The following FMNL2 variants were observed in gnomAD, a reference collection of about 807,000 sequenced individuals.
FMNL2 encodes the protein formin like 2, also known as formin-like protein 2.
Under a neutral mutation model 130.2 loss-of-function variants are expected in FMNL2, and 51 were observed. The observed-to-expected ratio is 0.39, with a 90% CI of 0.31 to 0.49. The LOEUF (loss-of-function observed/expected upper bound fraction) is 0.49. Ranked by LOEUF, FMNL2 falls within the 20% of genes least tolerant of loss-of-function variation. The probability of loss-of-function intolerance (pLI) is 0.85; values close to 1 mark genes in which losing one functional copy is unlikely to be tolerated. For synonymous variants in FMNL2, 465 were observed against 467.1 expected (o/e 1.00, Z 0.06); for missense variants, 977 against 1,316.2 (o/e 0.74, Z 3.99).
intron 1 of FMNL2, among the ~76,000 whole-genome samples, chr2:152,478,253 T>G: frequency 9.0e-6 from 1 of 110,872 alleles, no homozygotes; most frequent in East Asian, 4.7e-4. Flanking sequence ...TATATATATT[T>G]TTTTTTTTTT....
intron 23 of FMNL2, among the ~76,000 whole-genome samples, chr2:152,639,711 A>C (rs1682918050): frequency 2.6e-5 from 4 of 152,160 alleles, no homozygotes; most frequent in Non-Finnish European, 5.9e-5. Context: ...AGAAAGTTCA[A>C]ACAGGGAGCG....
chr2:152,644,228 C>CAAAAACA (rs1170014401), intron 25 of FMNL2, among the ~76,000 whole-genome samples: 2 of 152,072 alleles, frequency 1.3e-5, no homozygotes, highest in East Asian at 3.8e-4. Context: ...CTCAAAAAAA[C>CAAAAACA]AAAAACAAAA....
At chr2:152,612,142 A>G (rs1698716974) in intron 11 of FMNL2, among the ~76,000 whole-genome samples, 1 of 152,198 alleles carries the variant, frequency 6.6e-6, no homozygotes. Context: ...GGAGGTTTAA[A>G]GTTTCCCTTT....
At position 152,600,267 on chromosome 2, in the gene FMNL2, G is replaced by A. The variant is rs531060907; in HGVS notation, c.877-7072G>A. 1.1e-4 allele frequency among the ~76,000 whole-genome samples: 17 copies of A among 152,336 alleles called. No homozygotes were observed. The East Asian group carries it at 3.1e-3, about 28-fold the overall frequency. On this transcript the variant is annotated intron_variant, in intron 9 of 25. Transcript: ENST00000288670. Reference sequence around the variant, plus strand: ...TGCAGATCACAGGGGCCTATTGTAAGAGGAGAAAAAGAAAGTATTGAGGCA... The same window carrying A: ...TGCAGATCACAGGGGCCTATTGTAAAAGGAGAAAAAGAAAGTATTGAGGCA...
At chr2:152,589,712 T>C (rs2105765712) in intron 9 of FMNL2, among the ~76,000 whole-genome samples, 1 of 152,052 alleles carries the variant, frequency 6.6e-6, no homozygotes, top group Admixed American at 6.5e-5. Flanking sequence ...TAAAAAGCAT[T>C]TGAATGGAAG....
Position 152,634,429 on chromosome 2 carries a change from G to A in FMNL2, c.2681-1998G>A, listed in dbSNP as rs186111908. ...GCCTGGGTGAAAAGAGCGAGACTCC[G>A]TCTCAAAAACAAACAAACAAAATAC... On this transcript the variant is annotated intron_variant, in intron 21 of 25. Transcript: ENST00000288670. 4.6e-4 allele frequency among the ~76,000 whole-genome samples: 70 copies of A among 152,322 alleles called. 1 individual carries two copies. The highest frequency in any genetic ancestry group is 3.4e-3 in the Middle Eastern group (1 of 294).
chr2:152,364,282 T>G (rs369753848), intron 1 of FMNL2, among the ~76,000 whole-genome samples: 53,628 of 128,018 alleles, frequency 0.42, 11,542 homozygotes, highest in Middle Eastern at 0.61. Flanking sequence ...TTTTTTTTTT[T>G]TTTTTTTTTT....
chr2:152,570,052 G>C (rs1009335555), intron 6 of FMNL2, among the ~76,000 whole-genome samples: 5 of 151,588 alleles, frequency 3.3e-5, no homozygotes, highest in Admixed American at 1.3e-4. Flanking sequence ...AAATCGCTTA[G>C]TTTTTTAAAG....
chr2:152,629,783 T>G (rs770241481), intron 19 of FMNL2, 42 bp from the exon 20 acceptor site: 2 of 1,606,128 alleles, frequency 1.2e-6, no homozygotes, highest in East Asian at 2.2e-5. Flanking sequence ...CAGTGCCTGA[T>G]GTGCTGTACT....
At chr2:152,519,993 A>G (rs1369752408) in intron 1 of FMNL2, among the ~76,000 whole-genome samples, 1 of 152,218 alleles carries the variant, frequency 6.6e-6, no homozygotes, top group Non-Finnish European at 1.5e-5. Context: ...CAAATAAGCA[A>G]TGATGGACTG....
chr2:152,437,141 C>T (rs751643236), intron 1 of FMNL2, among the ~76,000 whole-genome samples: 13 of 152,070 alleles, frequency 8.5e-5, no homozygotes, highest in Non-Finnish European at 1.6e-4. Context: ...AGGGCTTTAC[C>T]CATATGAATT....
At chr2:152,555,473 A>G (rs1053354550) in intron 4 of FMNL2, among the ~76,000 whole-genome samples, 2 of 152,232 alleles carry the variant, frequency 1.3e-5, no homozygotes, top group African/African-American at 4.8e-5. Flanking sequence ...GATCTTAGAA[A>G]TTGAAAGCCA....
At chr2:152,415,895 T>G (rs923904647) in intron 1 of FMNL2, among the ~76,000 whole-genome samples, 1 of 152,218 alleles carries the variant, frequency 6.6e-6, no homozygotes, top group Non-Finnish European at 1.5e-5. Context: ...AAAGTGAATG[T>G]GGTCACCAGG....
chr2:152,619,578 C>T lies in FMNL2; in HGVS notation c.1697C>T (p.Pro566Leu). 3.6e-6 allele frequency: 4 copies of T among 1,125,806 alleles called. No homozygotes were observed. Among genetic ancestry groups the T allele is most frequent in the Non-Finnish European group, 5.0e-6 (4 of 806,682 alleles). The allele number at this position is 1,125,806 out of a possible 1,614,324, so 69.7% of individuals were successfully genotyped here. A position where few individuals can be genotyped will look rare whatever the true frequency, so the allele number is the denominator to read the frequency against. ...CCCCCTCCTCCACCTCCTCCTCCCC[C>T]ACCGCCCCCTCCGCCTCCTCCTCTC... ...PPPPPPPPPP[P>L]PPPPPPPLPG... The change falls in exon 15 of 26, where the codon CCA becomes CTA. Residue 566 changes from proline to leucine, a missense_variant. Pro to Leu is a moderately conservative substitution (Grantham distance 98). Transcript: ENST00000288670.
intron 1 of FMNL2, among the ~76,000 whole-genome samples, chr2:152,489,700 G>A (rs987357064): frequency 6.6e-6 from 1 of 152,148 alleles, no homozygotes; most frequent in East Asian, 1.9e-4. Context: ...GATGTGGGAC[G>A]TAGAATGTAA....
At chr2:152,494,295 A>C (rs1691375382) in intron 1 of FMNL2, among the ~76,000 whole-genome samples, 1 of 152,230 alleles carries the variant, frequency 6.6e-6, no homozygotes, top group Admixed American at 6.5e-5. Flanking sequence ...TTAGTGTTTC[A>C]ACCTCAGCAT....
At chr2:152,454,015 A>G (rs1688804284) in intron 1 of FMNL2, among the ~76,000 whole-genome samples, 2 of 152,204 alleles carry the variant, frequency 1.3e-5, no homozygotes, top group African/African-American at 4.8e-5. Flanking sequence ...GCTCACGCCT[A>G]TAACCCCAGC....
chr2:152,618,300 T>C (rs1342531972), intron 13 of FMNL2, among the ~76,000 whole-genome samples: 1 of 152,226 alleles, frequency 6.6e-6, no homozygotes, highest in East Asian at 1.9e-4. Flanking sequence ...ACAATCGCTA[T>C]CCTGAGCTTG....
intron 6 of FMNL2, 69 bp downstream of exon 6, chr2:152,561,104 A>T (rs1468456872): frequency 1.4e-6 from 2 of 1,473,516 alleles, no homozygotes; most frequent in Non-Finnish European, 1.8e-6. Flanking sequence ...ACTTCTTTTG[A>T]TGATTCTGGG....
Sources: gnomAD v4.1 joint callset for allele counts (sites outside exome capture counted in the v4.1 genomes callset) on GRCh38, gnomAD v4.1.1 for gene constraint, MANE v1.5 for transcripts, NCBI Gene and HGNC (gene_info 2026-07-23, HGNC 2026-07-21) for gene names.